SORCS2: variants seen among roughly 807,000 people sequenced by gnomAD.
SORCS2 encodes sortilin related VPS10 domain containing receptor 2, also known as VPS10 domain-containing receptor SorCS2.
SORCS2 carries 100 observed loss-of-function variants against 141.6 expected under a neutral mutation model. The ratio of observed to expected loss-of-function variants is 0.71; its 90% CI spans 0.60 to 0.83. The LOEUF is 0.83. Ranked by LOEUF, SORCS2 falls within the 40% of genes least tolerant of loss-of-function variation. The pLI, the probability that SORCS2 is intolerant of heterozygous loss-of-function variation, is 0.00. For synonymous variants in SORCS2, 789 were observed against 676.9 expected (o/e 1.17, Z -2.57); for missense variants, 1,646 against 1,560.2 (o/e 1.05, Z -0.93).
chr4:7,730,890 C>T (rs528507331), intron 23 of SORCS2, among the ~76,000 whole-genome samples: 47 of 152,352 alleles, frequency 3.1e-4, no homozygotes, highest in African/African-American at 1.1e-3. Context: ...TTATCAGTTT[C>T]TAAAAATGAA....
chr4:7,642,939 G>A (rs1436695690), intron 4 of SORCS2, among the ~76,000 whole-genome samples: 1 of 152,144 alleles, frequency 6.6e-6, no homozygotes, highest in Non-Finnish European at 1.5e-5. Flanking sequence ...ACACAGCATC[G>A]GCCAAAGCAA....
intron 2 of SORCS2, among the ~76,000 whole-genome samples, chr4:7,495,427 G>A (rs536432334): frequency 1.6e-3 from 247 of 152,314 alleles, no homozygotes; most frequent in Non-Finnish European, 2.7e-3. Context: ...TGTGTCCTCC[G>A]GCAGCTCTTC....
intron 1 of SORCS2, among the ~76,000 whole-genome samples, chr4:7,196,786 T>C (rs1278999551): frequency 6.6e-6 from 1 of 152,160 alleles, no homozygotes; most frequent in Non-Finnish European, 1.5e-5. Context: ...AACCCGATAT[T>C]TGTGTATATT....
At chr4:7,285,114 C>T (rs1360322702) in intron 1 of SORCS2, among the ~76,000 whole-genome samples, 1 of 151,788 alleles carries the variant, frequency 6.6e-6, no homozygotes, top group African/African-American at 2.4e-5. Flanking sequence ...TTCACCGCAA[C>T]CTCCACCTCC....
chr4:7,381,322 ACGGAGCACAGAGCTGGAGGG>A (rs772907975), intron 1 of SORCS2, among the ~76,000 whole-genome samples: 1 of 152,168 alleles, frequency 6.6e-6, no homozygotes, highest in Non-Finnish European at 1.5e-5. Flanking sequence ...AGTGAGACAC[ACGGAGCACAGAGCTGGAGGG>A]CGGAGCACAG....
At chr4:7,318,636 G>C (rs758645106) in intron 1 of SORCS2, among the ~76,000 whole-genome samples, 2 of 152,180 alleles carry the variant, frequency 1.3e-5, no homozygotes, top group Non-Finnish European at 2.9e-5. Context: ...AGTAACTGGT[G>C]CATGGCTAGT....
intron 1 of SORCS2, among the ~76,000 whole-genome samples, chr4:7,278,975 T>G (rs1715688871): frequency 6.6e-6 from 1 of 152,136 alleles, no homozygotes; most frequent in African/African-American, 2.4e-5. Flanking sequence ...AGGCCAGCCA[T>G]TGCAAGTCCT....
At chr4:7,413,807 A>T (rs1206125585) in intron 2 of SORCS2, among the ~76,000 whole-genome samples, 1 of 152,112 alleles carries the variant, frequency 6.6e-6, no homozygotes, top group African/African-American at 2.4e-5. Context: ...TAATGCCGAG[A>T]TGTAAAGGGA....
chr4:7,531,292 C>G (rs1172718955), intron 2 of SORCS2, among the ~76,000 whole-genome samples: 1 of 152,182 alleles, frequency 6.6e-6, no homozygotes, highest in Admixed American at 6.5e-5. Flanking sequence ...GACTTTGGAT[C>G]CTAGCTCTGG....
chr4:7,438,238 C>A (rs1172236225), intron 2 of SORCS2, among the ~76,000 whole-genome samples: 4 of 152,174 alleles, frequency 2.6e-5, no homozygotes, highest in Non-Finnish European at 5.9e-5. Flanking sequence ...TTTGTGTTTT[C>A]TTTTGTAGCA....
At chr4:7,520,900 C>T (rs1488616670) in intron 2 of SORCS2, among the ~76,000 whole-genome samples, 2 of 152,164 alleles carry the variant, frequency 1.3e-5, no homozygotes, top group Non-Finnish European at 2.9e-5. Flanking sequence ...GTGCCCAGGA[C>T]GTGCAGGGTG....
intron 2 of SORCS2, among the ~76,000 whole-genome samples, chr4:7,479,562 G>T (rs1039670573): frequency 6.6e-6 from 1 of 152,200 alleles, no homozygotes; most frequent in Non-Finnish European, 1.5e-5. Flanking sequence ...AGAGGGCTCT[G>T]CGCTGGAGCC....
rs931172726 is a variant in SORCS2 at position 7,553,135 on chromosome 4, A to T, written c.648+21506A>T. Among the ~76,000 whole-genome samples the T allele has an allele frequency of 2.0e-5, 3 of 152,118 alleles. No individual in the cohort carries two copies. In the East Asian group the frequency reaches 5.8e-4, roughly 29 times the overall value. On this transcript the variant is annotated intron_variant, in intron 3 of 26. Transcript: ENST00000507866. ...TGGATGGCTGGGTAGCAGTATGAAG[A>T]TGCTGGGCTGGGAGGGCAACAGAGC...
chr4:7,352,945 A>G (rs1053762851), intron 1 of SORCS2, among the ~76,000 whole-genome samples: 2 of 152,186 alleles, frequency 1.3e-5, no homozygotes, highest in Non-Finnish European at 2.9e-5. Context: ...GCAGGGAGAA[A>G]TCATGATGTA....
At chr4:7,380,948 G>C (rs1029712765) in intron 1 of SORCS2, among the ~76,000 whole-genome samples, 1 of 152,110 alleles carries the variant, frequency 6.6e-6, no homozygotes, top group Non-Finnish European at 1.5e-5. Context: ...TGGGTGTGGT[G>C]GCAGGTGCCT....
At chr4:7,450,051 C>T (rs1728340852) in intron 2 of SORCS2, among the ~76,000 whole-genome samples, 1 of 152,240 alleles carries the variant, frequency 6.6e-6, no homozygotes, top group African/African-American at 2.4e-5. Flanking sequence ...GTCAGGGTTT[C>T]TCCAGAAAGG....
intron 2 of SORCS2, among the ~76,000 whole-genome samples, chr4:7,411,939 C>T (rs1393346005): frequency 2.0e-5 from 3 of 152,218 alleles, no homozygotes; most frequent in Non-Finnish European, 4.4e-5. Flanking sequence ...GCTACAGCCA[C>T]GATGCCTCTT....
intron 3 of SORCS2, among the ~76,000 whole-genome samples, chr4:7,584,526 G>A (rs1716399849): frequency 6.6e-6 from 1 of 152,188 alleles, no homozygotes; most frequent in Non-Finnish European, 1.5e-5. Context: ...TGAATGCAAG[G>A]AACTTACCCA....
chr4:7,710,486 A>T (rs1418594088), intron 14 of SORCS2, among the ~76,000 whole-genome samples: 1 of 152,208 alleles, frequency 6.6e-6, no homozygotes, highest in Non-Finnish European at 1.5e-5. Flanking sequence ...GCTCTCAGGG[A>T]TCCAGAAGTT....
Sources: gnomAD v4.1 joint callset for allele counts (sites outside exome capture counted in the v4.1 genomes callset) on GRCh38, gnomAD v4.1.1 for gene constraint, MANE v1.5 for transcripts, NCBI Gene and HGNC (gene_info 2026-07-23, HGNC 2026-07-21) for gene names.